The following MYO5C variants were observed in gnomAD, a reference collection of about 807,000 sequenced individuals.
MYO5C encodes the protein myosin VC.
Under a neutral mutation model 235.7 loss-of-function variants are expected in MYO5C, and 194 were observed. The ratio of observed to expected loss-of-function variants is 0.82; its 90% CI spans 0.73 to 0.93. MYO5C has a LOEUF of 0.93. Among genes scored for constraint, MYO5C ranks in the 40% least tolerant of loss-of-function variants. The probability of loss-of-function intolerance (pLI) is 0.00; values close to 1 mark genes in which losing one functional copy is unlikely to be tolerated. For synonymous variants in MYO5C, 707 were observed against 754.8 expected (o/e 0.94, Z 1.04); for missense variants, 2,038 against 2,127.2 (o/e 0.96, Z 0.82).
chr15:52,245,967 G>C lies in MYO5C; in HGVS notation c.2055C>G (p.Ser685Arg). ...GACGGACAACATACCTGGAAGGGTA[G>C]CTCTGTGCACTAATGCGAATCGTTT... ...VLETIRISAQ[S>R]YPSRWTYIEF... The change falls in exon 17 of 41, where the codon AGC (serine) becomes AGG (arginine). Residue 685 changes from serine (S) to arginine (R), a missense_variant. Ser to Arg is a moderately radical substitution (Grantham distance 110). Transcript: ENST00000261839. 2.5e-6 allele frequency: 4 copies of C among 1,614,076 alleles called. No homozygotes were observed. The highest frequency in any genetic ancestry group is 3.4e-6 in the Non-Finnish European group (4 of 1,179,912).
intron 25 of MYO5C, among the ~76,000 whole-genome samples, chr15:52,227,468 A>T (rs2035855240): frequency 6.6e-6 from 1 of 151,382 alleles, no homozygotes; most frequent in African/African-American, 2.4e-5. Flanking sequence ...AAGTGCTGGG[A>T]TTACAGGCCT....
At chr15:52,209,128 G>A (rs772207757) in intron 35 of MYO5C, among the ~76,000 whole-genome samples, 72 of 152,088 alleles carry the variant, frequency 4.7e-4, no homozygotes, top group Admixed American at 8.5e-4. Flanking sequence ...GGACTGTTGG[G>A]GAGAAGGCCT....
At chr15:52,246,859 C>A in intron 16 of MYO5C, 58 bp downstream of exon 16, 2 of 1,444,322 alleles carry the variant, frequency 1.4e-6, no homozygotes, top group Non-Finnish European at 9.6e-7. Context: ...AATTCTCCAA[C>A]TTTATGGCAG....
At chr15:52,200,941 AGAG>A (rs1289221846) in intron 38 of MYO5C, among the ~76,000 whole-genome samples, 3 of 152,222 alleles carry the variant, frequency 2.0e-5, no homozygotes, top group Non-Finnish European at 2.9e-5. Context: ...TAGAGATGAC[AGAG>A]GAGAGTCAGT....
intron 39 of MYO5C, among the ~76,000 whole-genome samples, chr15:52,195,740 G>A (rs2035033107): frequency 1.3e-5 from 2 of 152,066 alleles, no homozygotes; most frequent in Non-Finnish European, 2.9e-5. Flanking sequence ...ACATTTGTGA[G>A]TTTAATGGGC....
At position 52,224,998 on chromosome 15, in the gene MYO5C, A is replaced by G. The variant is rs372469593; in HGVS notation, c.3366-17T>C. 4 of 1,613,894 alleles carry G rather than the reference A, an allele frequency of 2.5e-6. No homozygotes were observed. Among genetic ancestry groups the G allele is most frequent in the Non-Finnish European group, 3.4e-6 (4 of 1,179,848 alleles). ...ACAGAGAGCCTGCAAAATAAGGAAG[A>G]TAAGAAAATCTATCATCTCTGTCAC... On this transcript the variant is annotated splice_polypyrimidine_tract_variant and intron_variant, in intron 27 of 40. Coordinates refer to ENST00000261839, the MANE Select transcript of MYO5C (RefSeq NM_018728.4).
chr15:52,275,028 G>A (rs1388119244), intron 5 of MYO5C, among the ~76,000 whole-genome samples: 9 of 152,158 alleles, frequency 5.9e-5, no homozygotes, highest in Non-Finnish European at 1.0e-4. Flanking sequence ...CCTGGGCACC[G>A]TCACGGTTGG....
chr15:52,196,011 A>T (rs1331704998), intron 39 of MYO5C, among the ~76,000 whole-genome samples: 83 of 106,120 alleles, frequency 7.8e-4, no homozygotes, highest in African/African-American at 1.5e-3. Context: ...GCGTCTTGTT[A>T]TGTTGCCCAG....
chr15:52,207,707 G>A (rs1431237210), intron 36 of MYO5C, among the ~76,000 whole-genome samples: 1 of 152,140 alleles, frequency 6.6e-6, no homozygotes, highest in Non-Finnish European at 1.5e-5. Context: ...AAAACTGTGT[G>A]ACAAGGGACT....
At chr15:52,235,945 G>C (rs1001421285) in intron 22 of MYO5C, among the ~76,000 whole-genome samples, 182 bp from the exon 23 acceptor site, 11 of 152,160 alleles carry the variant, frequency 7.2e-5, no homozygotes, top group Non-Finnish European at 1.2e-4. Flanking sequence ...ACATGCAAGA[G>C]CTCAACGTGA....
chr15:52,236,620 G>A (rs2001857), intron 22 of MYO5C, among the ~76,000 whole-genome samples: 103,974 of 152,018 alleles, frequency 0.68, 39,057 homozygotes, highest in Non-Finnish European at 0.84. Flanking sequence ...AGGTTGCAGT[G>A]AGCCGAGATT....
At chr15:52,236,211 TAA>T (rs1440023336) in intron 22 of MYO5C, among the ~76,000 whole-genome samples, 1 of 152,230 alleles carries the variant, frequency 6.6e-6, no homozygotes, top group African/African-American at 2.4e-5. Flanking sequence ...CTTCTCCTGG[TAA>T]AGTGTCTGCT....
In MYO5C at chr15:52,215,633, C is replaced by G. The variant is rs188614752; in HGVS notation, c.3955-943G>C. ...GCGGTGTCAGTACAGCTTCCTCCCT[C>G]CAATTCAAGCCCATCTTATAATATA... is the stretch of plus-strand genomic sequence containing the variant. On this transcript the variant is annotated intron_variant, in intron 32 of 40. Transcript: ENST00000261839. 2.0e-3 allele frequency among the ~76,000 whole-genome samples: 311 copies of G among 152,306 alleles called. 1 individual carries two copies. The highest frequency in any genetic ancestry group is 0.01 in the Middle Eastern group (3 of 294).
rs2035996556 is a variant in MYO5C at position 52,232,836 on chromosome 15, A to T, written c.2963-151T>A. ...ATGAGAGTATAGCTCATTTTTTATA[A>T]ACAAGAAATAAAGATGAGGGGGTTT... On this transcript the variant is annotated intron_variant, in intron 23 of 40. Coordinates refer to ENST00000261839, the MANE Select transcript of MYO5C (RefSeq NM_018728.4). 3 of 650,548 alleles carry T rather than the reference A, an allele frequency of 4.6e-6. No individual in the cohort carries two copies. The African/African-American group carries it at 5.5e-5, about 12-fold the overall frequency. The allele number at this position is 650,548 out of a possible 1,614,324, so 40.3% of individuals were successfully genotyped here.
intron 24 of MYO5C, among the ~76,000 whole-genome samples, chr15:52,229,893 C>A (rs576336536): frequency 6.6e-6 from 1 of 152,312 alleles, no homozygotes; most frequent in Non-Finnish European, 1.5e-5. Context: ...ACTTAAAAGA[C>A]ACACTGGGTT....
intron 37 of MYO5C, 134 bp downstream of exon 37, chr15:52,205,682 A>G (rs1392939555): frequency 4.1e-6 from 2 of 493,672 alleles, no homozygotes; most frequent in Non-Finnish European, 3.4e-6. Context: ...TAAAAGGCAG[A>G]TATCTACATG....
chr15:52,196,149 A>G (rs1056656731), intron 39 of MYO5C, among the ~76,000 whole-genome samples, 160 bp downstream of exon 39: 1 of 151,792 alleles, frequency 6.6e-6, no homozygotes, highest in Non-Finnish European at 1.5e-5. Flanking sequence ...GTATTTAATA[A>G]ATATTTATTA....
At chr15:52,246,638 A>G (rs1056024578) in intron 16 of MYO5C, among the ~76,000 whole-genome samples, 1 of 152,196 alleles carries the variant, frequency 6.6e-6, no homozygotes, top group Non-Finnish European at 1.5e-5. Context: ...ACAAACACAC[A>G]TACTCATTCT....
chr15:52,205,096 G>A lies in MYO5C; in HGVS notation c.4589C>T (p.Pro1530Leu). 1.2e-6 allele frequency: 2 copies of A among 1,614,186 alleles called. No individual in the cohort carries two copies. The highest frequency in any genetic ancestry group is 8.5e-7 in the Non-Finnish European group (1 of 1,180,026). ...AGAGGAGCGCTTCCGGAAGCCTGTG[G>A]GCTTCAGGCCGGAAATGCCCTGCAG... Reference protein sequence around the residue: ...ESLQGISGLKPTGFRKRSSSI... With the variant: ...ESLQGISGLKLTGFRKRSSSI... Residue 1530 changes from proline (P) to leucine (L), a missense_variant, in exon 38 of 41, where the codon CCC (proline) becomes CTC (leucine). By Grantham distance (98) the Pro-to-Leu change is moderately conservative. Transcript: ENST00000261839.
Sources: allele counts gnomAD v4.1 joint callset (sites outside exome capture counted in the v4.1 genomes callset), GRCh38; gene constraint gnomAD v4.1.1; transcripts MANE v1.5; gene names NCBI Gene and HGNC (gene_info 2026-07-23, HGNC 2026-07-21).